GLDN: variants seen among roughly 807,000 people sequenced by gnomAD.
GLDN encodes the protein collomin.
A neutral mutation model predicts 56.5 loss-of-function variants in GLDN; 47 were observed. The observed-to-expected ratio is 0.83, with a 90% confidence interval of 0.66 to 1.06. GLDN has a LOEUF of 1.06. Ranked by LOEUF, GLDN falls within the 50% of genes least tolerant of loss-of-function variation. The pLI is 0.00. For missense variants in GLDN, 782 were observed against 714.3 expected, an observed-to-expected ratio of 1.09 and a Z score of -1.08; for synonymous variants, 332 against 278.8, an observed-to-expected ratio of 1.19 and a Z score of -1.90.
chr15:51,355,987 C>T (rs2037175785), intron 1 of GLDN, among the ~76,000 whole-genome samples: 2 of 149,960 alleles, frequency 1.3e-5, no homozygotes, highest in Admixed American at 6.6e-5. Flanking sequence ...GCGGGCGGAT[C>T]ACGAGGTCAG....
chr15:51,401,484 G>A (rs777503397), intron 8 of GLDN, 109 bp from the exon 9 acceptor site: 2 of 957,008 alleles, frequency 2.1e-6, no homozygotes, highest in Admixed American at 2.1e-5. Flanking sequence ...GGACCTTAGG[G>A]AACATTTCAC....
intron 1 of GLDN, among the ~76,000 whole-genome samples, chr15:51,354,560 C>A (rs2037138406): frequency 6.6e-6 from 1 of 152,034 alleles, no homozygotes; most frequent in African/African-American, 2.4e-5. Flanking sequence ...CTGGGGCAGG[C>A]AAGGAGGGTG....
At position 51,341,976 on chromosome 15, in the gene GLDN, G is replaced by C; in HGVS notation, c.292G>C (p.Gly98Arg). The C allele has an allele frequency of 2.9e-5, 47 of 1,597,636 alleles. No homozygotes were observed. Among genetic ancestry groups the C allele is most frequent in the Non-Finnish European group, 3.9e-5 (46 of 1,179,480 alleles). ...SSARNKRSHS[G>R]EPAPHIRAES... ...AGCTCGCAACAAGCGCAGCCACAGC[G>C]GCGAGCCCGCGCCGCATATCCGCGC... Residue 98 changes from glycine (G) to arginine (R), a missense_variant, in exon 1 of 10, where the codon GGC (glycine) becomes CGC (arginine). Transcript: ENST00000335449.
intron 3 of GLDN, 64 bp downstream of exon 3, chr15:51,383,517 C>A (rs1008407892): frequency 1.3e-6 from 2 of 1,581,290 alleles, no homozygotes; most frequent in Admixed American, 3.3e-5. Flanking sequence ...TAGGATCTCC[C>A]TGTTGGGACA....
intron 1 of GLDN, among the ~76,000 whole-genome samples, chr15:51,372,423 C>G (rs908856120): frequency 4.6e-5 from 7 of 152,278 alleles, no homozygotes; most frequent in East Asian, 1.9e-4. Context: ...GGAGATGAAC[C>G]TGATGGGCCC....
chr15:51,397,243 G>A (rs757794057), intron 5 of GLDN, among the ~76,000 whole-genome samples: 15 of 152,250 alleles, frequency 9.9e-5, no homozygotes, highest in Non-Finnish European at 1.8e-4. Flanking sequence ...GTCTGGCTGT[G>A]AGGAGGCAGC....
chr15:51,405,932 C>A lies in GLDN; in HGVS notation c.*1178C>A. 1 of 152,252 alleles carries A rather than the reference C, an allele frequency of 6.6e-6. No homozygotes were observed. The allele number at this position is 152,252 out of a possible 1,614,324, so 9.4% of individuals were successfully genotyped here. A position where few individuals can be genotyped will look rare whatever the true frequency, so the allele number is the denominator to read the frequency against. ...TCATTGCAACAAAGAGCATATGGCCCCACAGTGCCTAAAATATTGACCAGC... is the reference window on the plus strand; with the variant it reads ...TCATTGCAACAAAGAGCATATGGCCACACAGTGCCTAAAATATTGACCAGC... On this transcript the variant is annotated 3_prime_UTR_variant, in exon 10 of 10. Transcript: ENST00000335449.
intron 2 of GLDN, among the ~76,000 whole-genome samples, chr15:51,382,704 T>A (rs147344321): frequency 6.8e-6 from 1 of 146,868 alleles, no homozygotes; most frequent in African/African-American, 2.5e-5. Context: ...CCAGCCTGGG[T>A]GACAGAGCAA....
chr15:51,375,823 T>C (rs988792414), intron 1 of GLDN, among the ~76,000 whole-genome samples: 1 of 152,168 alleles, frequency 6.6e-6, no homozygotes, highest in Non-Finnish European at 1.5e-5. Flanking sequence ...AGAGGTTAAG[T>C]ACTTCATCTG....
chr15:51,348,708 C>A (rs2077970), intron 1 of GLDN, among the ~76,000 whole-genome samples: 13,205 of 151,992 alleles, frequency 0.087, 1,967 homozygotes, highest in African/African-American at 0.3. Context: ...ATATTGACAG[C>A]AATTCAAAAA....
chr15:51,371,116 A>C (rs1477688752), intron 1 of GLDN, among the ~76,000 whole-genome samples: 2 of 152,266 alleles, frequency 1.3e-5, no homozygotes, highest in Non-Finnish European at 2.9e-5. Context: ...GTACTTATAC[A>C]AAAACATCTA....
In GLDN at chr15:51,341,663, C is replaced by T; in HGVS notation, c.-22C>T. 3 of 1,377,496 alleles carry T rather than the reference C, an allele frequency of 2.2e-6. No individual in the cohort carries two copies. The highest frequency in any genetic ancestry group is 1.8e-5 in the South Asian group (1 of 56,476). 85.3% of individuals were successfully genotyped at this position (1,377,496 alleles called of 1,614,324 possible). ...CAGGGCCGCAGGCTGCCAAGCCCTG[C>T]CCTGCCCAAGGCGCATAGAGCATGG... On this transcript the variant is annotated 5_prime_UTR_variant, in exon 1 of 10. Coordinates refer to ENST00000335449, the MANE Select transcript of GLDN (RefSeq NM_181789.4).
intron 4 of GLDN, among the ~76,000 whole-genome samples, chr15:51,390,665 A>G (rs2141114703): frequency 6.6e-6 from 1 of 152,298 alleles, no homozygotes; most frequent in Non-Finnish European, 1.5e-5. Context: ...TGAAAATAAA[A>G]CATCCTCCCT....
At position 51,341,893 on chromosome 15, in the gene GLDN, C is replaced by T. The variant is rs746324153; in HGVS notation, c.209C>T (p.Ala70Val). ...REDSALRSFL[A>V]ELSRAPRGAS... ...GACAGTGCCCTGCGCTCCTTCCTGG[C>T]CGAGTTGAGCCGCGCGCCGCGCGGG... The change falls in exon 1 of 10, where the codon GCC becomes GTC. Residue 70 changes from alanine (A) to valine (V), a missense_variant. Physicochemically the swap from Ala to Val is moderately conservative, Grantham distance 64. Coordinates refer to ENST00000335449, the MANE Select transcript of GLDN (RefSeq NM_181789.4). 6.3e-7 allele frequency: 1 copy of T among 1,585,326 alleles called. No homozygotes were observed. Among genetic ancestry groups the T allele is most frequent in the South Asian group, 1.1e-5 (1 of 90,066 alleles).
At chr15:51,376,085 T>C (rs2037624819) in intron 1 of GLDN, among the ~76,000 whole-genome samples, 1 of 152,228 alleles carries the variant, frequency 6.6e-6, no homozygotes, top group Admixed American at 6.5e-5. Context: ...TTTCAAGTGT[T>C]ATGTTAACTA....
intron 5 of GLDN, 93 bp downstream of exon 5, chr15:51,395,074 C>T: frequency 7.9e-7 from 1 of 1,268,508 alleles, no homozygotes; most frequent in Non-Finnish European, 1.1e-6. Context: ...TGTCTTCTCT[C>T]CTTTATGGCC....
At chr15:51,361,740 A>T (rs1423472912) in intron 1 of GLDN, among the ~76,000 whole-genome samples, 1 of 152,198 alleles carries the variant, frequency 6.6e-6, no homozygotes, top group African/African-American at 2.4e-5. Context: ...TAATTTATCT[A>T]TAGTGGTAGA....
chr15:51,371,094 C>G lies in GLDN; in HGVS notation c.364-6355C>G, dbSNP rs186113093. On this transcript the variant is annotated intron_variant, in intron 1 of 9. Transcript: ENST00000335449. ...CAGTTGTTTGGTTTCATGAACCTCC[C>G]AGCTTTTTTGTGTACTTATACAAAA... Among the ~76,000 whole-genome samples the G allele has an allele frequency of 1.7e-3, 253 of 152,202 alleles. 1 individual carries two copies. Among genetic ancestry groups the G allele is most frequent in the South Asian group, 0.011 (52 of 4,822 alleles).
intron 1 of GLDN, among the ~76,000 whole-genome samples, chr15:51,354,070 C>T (rs2037129547): frequency 6.6e-6 from 1 of 152,068 alleles, no homozygotes; most frequent in Non-Finnish European, 1.5e-5. Context: ...TGAAAGGTAG[C>T]CTTAAAACAA....
Sources: allele counts gnomAD v4.1 joint callset (sites outside exome capture counted in the v4.1 genomes callset), GRCh38; gene constraint gnomAD v4.1.1; transcripts MANE v1.5; gene names NCBI Gene and HGNC (gene_info 2026-07-23, HGNC 2026-07-21).